Variants in NUP93 observed in about 807,000 individuals in gnomAD.
NUP93 encodes nucleoporin 93, also known as nuclear pore complex protein Nup93.
NUP93 carries 55 observed loss-of-function variants against 107.8 expected under a neutral mutation model. That is an observed-to-expected ratio of 0.51 (90% CI 0.41 to 0.64). NUP93 has a LOEUF of 0.64. Ranked by LOEUF, NUP93 falls within the 30% of genes least tolerant of loss-of-function variation. The pLI is 0.00. For missense variants in NUP93, 937 were observed against 1,044.7 expected (o/e 0.90, Z 1.42); for synonymous variants, 390 against 397.5 (o/e 0.98, Z 0.22).
At chr16:56,784,022 C>A in intron 3 of NUP93, 1 of 381,990 alleles carries the variant, frequency 2.6e-6, no homozygotes, top group Non-Finnish European at 3.6e-6. Flanking sequence ...TAATGTATTT[C>A]TCAAAAACCA....
chr16:56,748,240 C>T lies in NUP93; in HGVS notation c.-8C>T, dbSNP rs2144456724. 3 of 1,584,694 alleles carry T rather than the reference C, an allele frequency of 1.9e-6. No individual in the cohort carries two copies. Among genetic ancestry groups the T allele is most frequent in the Non-Finnish European group, 2.6e-6 (3 of 1,161,480 alleles). ...CATTTTTTCTCCCATCTAGGATCTGCATCTCCAATGGATACTGAGGGGTTT... is the reference window on the plus strand; with the variant it reads ...CATTTTTTCTCCCATCTAGGATCTGTATCTCCAATGGATACTGAGGGGTTT... On this transcript the variant is annotated 5_prime_UTR_variant, in exon 2 of 22. Transcript: ENST00000308159.
chr16:56,760,282 T>G (rs746131248), intron 3 of NUP93, among the ~76,000 whole-genome samples: 1 of 152,144 alleles, frequency 6.6e-6, no homozygotes, highest in Non-Finnish European at 1.5e-5. Context: ...AATCCCAGCA[T>G]GGTAGGAGGC....
intron 8 of NUP93, among the ~76,000 whole-genome samples, chr16:56,825,982 T>C (rs1478495463): frequency 6.6e-6 from 1 of 152,230 alleles, no homozygotes; most frequent in Non-Finnish European, 1.5e-5. Flanking sequence ...AAATAATTTT[T>C]CAATTACAGG....
intron 5 of NUP93, among the ~76,000 whole-genome samples, chr16:56,811,690 C>T (rs866691638): frequency 8.5e-5 from 13 of 152,140 alleles, no homozygotes; most frequent in Middle Eastern, 6.8e-3. Flanking sequence ...AGGCTGGTCT[C>T]GAACTCCTGA....
chr16:56,744,593 C>A (rs1961792152), intron 1 of NUP93, among the ~76,000 whole-genome samples: 1 of 152,210 alleles, frequency 6.6e-6, no homozygotes, highest in Non-Finnish European at 1.5e-5. Context: ...ACATATCTCT[C>A]TTCTTCTGTG....
chr16:56,757,034 C>T (rs550096107), intron 2 of NUP93, among the ~76,000 whole-genome samples: 4 of 152,104 alleles, frequency 2.6e-5, no homozygotes, highest in East Asian at 1.9e-4. Flanking sequence ...GGGAAAGTCC[C>T]GGGGATGGCA....
Position 56,818,666 on chromosome 16 carries a change from A to G in NUP93, c.492A>G (p.Pro164=). ...DALDFTQESE[P]SYISDVGPPG... Reference sequence around the variant, plus strand: ...TCTGAATGTGTATTTATCCACAGCCAAGCTACATCAGTGATGTGGGACCCC... The same window carrying G: ...TCTGAATGTGTATTTATCCACAGCCGAGCTACATCAGTGATGTGGGACCCC... Residue 164 remains proline (P), a splice_region_variant and synonymous_variant, in exon 6 of 22, where the codon CCA becomes CCG. Coordinates refer to ENST00000308159, the MANE Select transcript of NUP93 (RefSeq NM_014669.5). 1 of 1,613,768 alleles carries G rather than the reference A, an allele frequency of 6.2e-7. No individual in the cohort carries two copies. Among genetic ancestry groups the G allele is most frequent in the East Asian group, 2.2e-5 (1 of 44,886 alleles).
Position 56,847,450 on chromosome 16 carries a change from C to T in NUP93, c.*2841C>T, listed in dbSNP as rs1196795960. ...GAGAAAGTGGCACTAGGCGTCTTGT[C>T]TTCCAGATGTGAGATTTCGATCTTT... On this transcript the variant is annotated 3_prime_UTR_variant, in exon 22 of 22. Transcript: ENST00000308159. The T allele has an allele frequency of 1.3e-5, 2 of 152,332 alleles. 1 individual carries two copies. Among genetic ancestry groups the T allele is most frequent in the South Asian group, 4.1e-4 (2 of 4,826 alleles). 9.4% of individuals were successfully genotyped at this position (152,332 alleles called of 1,614,324 possible).
intron 2 of NUP93, among the ~76,000 whole-genome samples, chr16:56,754,207 G>T (rs1407751743): frequency 6.6e-6 from 1 of 151,206 alleles, no homozygotes; most frequent in African/African-American, 2.4e-5. Context: ...CAAAGGGGAA[G>T]TCTTGCCCCT....
At chr16:56,809,588 G>A (rs934539950) in intron 5 of NUP93, among the ~76,000 whole-genome samples, 9 of 152,056 alleles carry the variant, frequency 5.9e-5, no homozygotes, top group African/African-American at 1.9e-4. Context: ...GAAAACTGAG[G>A]CTCAGAGAGA....
Position 56,834,149 on chromosome 16 carries a change from C to T in NUP93, c.1559C>T (p.Pro520Leu). The T allele has an allele frequency of 6.2e-7, 1 of 1,614,168 alleles. No homozygotes were observed. ...GCAGTCAGCCACGAGCCTGGTGACC[C>T]TCCTTGCTTGCGGCGGCTGAACTTC... is the stretch of plus-strand genomic sequence containing the variant. ...AQLLSHEPGD[P>L]PCLRRLNFVR... Residue 520 changes from proline to leucine, a missense_variant, in exon 14 of 22, where the codon CCT becomes CTT. Transcript: ENST00000308159.
At chr16:56,844,233 C>G (rs1468896567) in intron 21 of NUP93, among the ~76,000 whole-genome samples, 2 of 152,204 alleles carry the variant, frequency 1.3e-5, no homozygotes, top group Non-Finnish European at 2.9e-5. Flanking sequence ...GGCGGCTTGC[C>G]TGGCAAACCC....
chr16:56,824,782 T>G (rs1378168837), intron 8 of NUP93, among the ~76,000 whole-genome samples: 3 of 152,166 alleles, frequency 2.0e-5, no homozygotes, highest in Non-Finnish European at 4.4e-5. Flanking sequence ...ATTAATTACA[T>G]GAGAGCTACT....
At chr16:56,827,017 A>G (rs1963675969) in intron 8 of NUP93, among the ~76,000 whole-genome samples, 1 of 131,172 alleles carries the variant, frequency 7.6e-6, no homozygotes, top group African/African-American at 2.8e-5. Context: ...CTGTACTCCA[A>G]CCTGGGGATG....
In NUP93 at chr16:56,846,835, G is replaced by GT. The variant is rs1346962448; in HGVS notation, c.*2229dup. On this transcript the variant is annotated 3_prime_UTR_variant, in exon 22 of 22. Transcript: ENST00000308159. ...TGCCACAAATGAGAAGGCTCAAGTT[G>GT]TTTAAATACATGTTTGCTCCTGGCT... 1 of 152,226 alleles carries GT rather than the reference G, an allele frequency of 6.6e-6. No homozygotes were observed. Among genetic ancestry groups the GT allele is most frequent in the African/African-American group, 2.4e-5 (1 of 41,460 alleles). 9.4% of individuals were successfully genotyped at this position (152,226 alleles called of 1,614,324 possible).
At chr16:56,768,528 A>C (rs1390397123) in intron 3 of NUP93, among the ~76,000 whole-genome samples, 2 of 146,882 alleles carry the variant, frequency 1.4e-5, no homozygotes, top group African/African-American at 5.1e-5. Context: ...ACGCCATTGC[A>C]CTCCAGCCTG....
At chr16:56,792,748 T>C (rs1260541786) in intron 3 of NUP93, among the ~76,000 whole-genome samples, 1 of 152,236 alleles carries the variant, frequency 6.6e-6, no homozygotes, top group Non-Finnish European at 1.5e-5. Flanking sequence ...TCAACTTTAT[T>C]GTTTGTAAAG....
intron 3 of NUP93, among the ~76,000 whole-genome samples, chr16:56,766,072 C>T (rs1233303533): frequency 6.6e-6 from 1 of 152,104 alleles, no homozygotes; most frequent in Non-Finnish European, 1.5e-5. Context: ...TTTATTTATC[C>T]ATTCACACTT....
intron 3 of NUP93, chr16:56,782,053 C>T: frequency 4.1e-6 from 4 of 985,502 alleles, no homozygotes; most frequent in Non-Finnish European, 4.8e-6. Context: ...TCTCTTCTCT[C>T]TGTCCTTCTC....
Sources: gnomAD v4.1 joint callset for allele counts (sites outside exome capture counted in the v4.1 genomes callset) on GRCh38, gnomAD v4.1.1 for gene constraint, MANE v1.5 for transcripts, NCBI Gene and HGNC (gene_info 2026-07-23, HGNC 2026-07-21) for gene names.